RPS6KC1: variants seen among roughly 807,000 people sequenced by gnomAD.
The protein encoded by RPS6KC1 is inactive ribosomal protein S6 kinase delta-1.
In RPS6KC1, 54 loss-of-function variants were observed where a neutral mutation model predicts 103.8. The observed-to-expected ratio is 0.52, with a 90% CI of 0.42 to 0.65. The LOEUF (loss-of-function observed/expected upper bound fraction) is 0.65, where lower values mean the gene tolerates loss of function less well. Among genes scored for constraint, RPS6KC1 ranks in the 30% least tolerant of loss-of-function variants. RPS6KC1 has a pLI of 0.00. For synonymous variants in RPS6KC1, 439 were observed against 438.7 expected, an observed-to-expected ratio of 1.00 and a Z score of -0.01; for missense variants, 1,151 against 1,253.8, an observed-to-expected ratio of 0.92 and a Z score of 1.24.
the RPS6KC1 span, among the ~76,000 whole-genome samples, chr1:213,281,533 C>A: frequency 1.3e-4 from 20 of 152,216 alleles, no homozygotes; most frequent in Non-Finnish European, 2.8e-4. Context: ...GAGCAGAACA[C>A]CCCTGATCAT....
the RPS6KC1 span, among the ~76,000 whole-genome samples, chr1:213,442,492 C>T: frequency 6.6e-6 from 1 of 152,192 alleles, no homozygotes; most frequent in Non-Finnish European, 1.5e-5. Flanking sequence ...GGATCCCAAA[C>T]CTGCCACTTC....
chr1:213,641,827 C>T, the RPS6KC1 span, among the ~76,000 whole-genome samples: 2 of 114,436 alleles, frequency 1.7e-5, no homozygotes, highest in Non-Finnish European at 3.4e-5. Flanking sequence ...CCACCCCCTG[C>T]AAAAATAAAT....
chr1:213,556,196 GT>G, the RPS6KC1 span, among the ~76,000 whole-genome samples: 3 of 152,144 alleles, frequency 2.0e-5, no homozygotes, highest in African/African-American at 4.8e-5. Flanking sequence ...GAGTGTGCAT[GT>G]TTTTCCCATT....
chr1:213,658,148 A>G, the RPS6KC1 span, among the ~76,000 whole-genome samples: 1 of 152,204 alleles, frequency 6.6e-6, no homozygotes, highest in Admixed American at 6.5e-5. Context: ...TGTTTTGTGT[A>G]ATGTTTAAAG....
chr1:213,324,819 C>T, the RPS6KC1 span, among the ~76,000 whole-genome samples: 3 of 151,664 alleles, frequency 2.0e-5, no homozygotes, highest in Non-Finnish European at 4.4e-5. Flanking sequence ...AGACATTCTG[C>T]TTAGGTGAAT....
the RPS6KC1 span, among the ~76,000 whole-genome samples, chr1:213,717,558 G>A: frequency 9.9e-5 from 15 of 152,268 alleles, no homozygotes; most frequent in South Asian, 1.5e-3. Flanking sequence ...AACTAGAAAC[G>A]TAGAAGACTG....
At chr1:213,248,306 CTG>C (rs553215954) in intron 12 of RPS6KC1, among the ~76,000 whole-genome samples, 140 of 152,140 alleles carry the variant, frequency 9.2e-4, no homozygotes, top group Non-Finnish European at 1.7e-3. Flanking sequence ...CAGACAGTAA[CTG>C]TTTTATTTAC....
the RPS6KC1 span, among the ~76,000 whole-genome samples, chr1:213,723,695 A>C: frequency 6.6e-6 from 1 of 152,152 alleles, no homozygotes. Context: ...GGCAAAGTCA[A>C]ATTTCACTCA....
the RPS6KC1 span, among the ~76,000 whole-genome samples, chr1:213,780,776 C>T: frequency 6.6e-6 from 1 of 152,156 alleles, no homozygotes; most frequent in Non-Finnish European, 1.5e-5. Flanking sequence ...GTAATTCCAA[C>T]ACTTTGGGAG....
chr1:213,474,344 G>GT, the RPS6KC1 span, among the ~76,000 whole-genome samples: 2 of 151,244 alleles, frequency 1.3e-5, no homozygotes, highest in African/African-American at 2.4e-5. Context: ...CTAAGTCCTG[G>GT]TTTCTGAGGG....
chr1:213,347,140 C>T, the RPS6KC1 span, among the ~76,000 whole-genome samples: 2 of 152,144 alleles, frequency 1.3e-5, no homozygotes, highest in Non-Finnish European at 2.9e-5. Flanking sequence ...CCTCCAAGAC[C>T]TTTCCAGAAT....
chr1:213,343,824 GT>G, the RPS6KC1 span, among the ~76,000 whole-genome samples: 3 of 150,698 alleles, frequency 2.0e-5, no homozygotes, highest in East Asian at 1.9e-4. Context: ...AAATAAAAAA[GT>G]TTTTTTTTGG....
At chr1:213,662,212 G>A in the RPS6KC1 span, among the ~76,000 whole-genome samples, 3 of 91,450 alleles carry the variant, frequency 3.3e-5, no homozygotes, top group South Asian at 1.3e-3. Flanking sequence ...CAGGTGCTTA[G>A]CCTGTGTGCC....
chr1:213,135,515 C>A (rs2086172834), intron 6 of RPS6KC1, among the ~76,000 whole-genome samples: 1 of 152,034 alleles, frequency 6.6e-6, no homozygotes, highest in Admixed American at 6.6e-5. Context: ...ACCTGAATGT[C>A]ATGAAAATTT....
chr1:213,615,372 G>T, the RPS6KC1 span, among the ~76,000 whole-genome samples: 3 of 152,222 alleles, frequency 2.0e-5, no homozygotes, highest in African/African-American at 7.2e-5. Context: ...TTGTTATGTG[G>T]ATAAACAGAA....
chr1:213,288,430 G>T, the RPS6KC1 span, among the ~76,000 whole-genome samples: 1 of 152,214 alleles, frequency 6.6e-6, no homozygotes, highest in Non-Finnish European at 1.5e-5. Flanking sequence ...AATGGTTTCT[G>T]ATCTTAAGTA....
chr1:213,558,692 A>G, the RPS6KC1 span, among the ~76,000 whole-genome samples: 1 of 152,206 alleles, frequency 6.6e-6, no homozygotes. Flanking sequence ...GTTTCTCCAT[A>G]CATAGTGGAC....
chr1:213,472,134 C>T, the RPS6KC1 span, among the ~76,000 whole-genome samples: 31 of 152,136 alleles, frequency 2.0e-4, no homozygotes, highest in Non-Finnish European at 4.3e-4. Context: ...TGGTTACTTC[C>T]TTTATTGTTA....
At chr1:213,343,438 T>A in the RPS6KC1 span, among the ~76,000 whole-genome samples, 3 of 45,694 alleles carry the variant, frequency 6.6e-5, 1 homozygote, top group East Asian at 1.2e-3. Flanking sequence ...TATATATATA[T>A]ATACATACCA....
Sources: gnomAD v4.1 joint callset for allele counts (sites outside exome capture counted in the v4.1 genomes callset) on GRCh38, gnomAD v4.1.1 for gene constraint, MANE v1.5 for transcripts, NCBI Gene and HGNC (gene_info 2026-07-23, HGNC 2026-07-21) for gene names.